VWCE: variants seen among roughly 807,000 people sequenced by gnomAD.
VWCE encodes the protein von Willebrand factor C and EGF domain-containing protein.
In VWCE, 68 loss-of-function variants were observed where a neutral mutation model predicts 102.9. The observed-to-expected ratio is 0.66, with a 90% CI of 0.54 to 0.81. VWCE has a LOEUF of 0.81. VWCE is among the 30% of genes least tolerant of loss of function. VWCE has a pLI of 0.00. For synonymous variants in VWCE, 497 were observed against 515.4 expected, an observed-to-expected ratio of 0.96 and a Z score of 0.48; for missense variants, 1,137 against 1,263.6, an observed-to-expected ratio of 0.90 and a Z score of 1.52.
At chr11:61,293,098 G>A (rs908959983) in intron 1 of VWCE, among the ~76,000 whole-genome samples, 7 of 151,960 alleles carry the variant, frequency 4.6e-5, no homozygotes, top group South Asian at 2.1e-4. Flanking sequence ...AAAATTAGCC[G>A]GGCATGGTGG....
chr11:61,282,641 G>A (rs1855178364), intron 6 of VWCE, 148 bp downstream of exon 6: 1 of 683,794 alleles, frequency 1.5e-6, no homozygotes, highest in South Asian at 1.8e-5. Flanking sequence ...CCCAGGGACA[G>A]GCAGGCTCTG....
chr11:61,265,989 T>C (rs568407956), intron 16 of VWCE, among the ~76,000 whole-genome samples: 1 of 151,926 alleles, frequency 6.6e-6, no homozygotes, highest in African/African-American at 2.4e-5. Flanking sequence ...GAGGTTGCAG[T>C]GAGCCAAGAT....
chr11:61,263,200 A>G (rs7947790), intron 19 of VWCE, among the ~76,000 whole-genome samples: 14,140 of 151,892 alleles, frequency 0.093, 2,035 homozygotes, highest in African/African-American at 0.31. Flanking sequence ...CCAGCTACTC[A>G]GGAGGCTGAG....
rs370421524 is a variant in VWCE at position 61,281,089 on chromosome 11, C to T, written c.934G>A (p.Gly312Arg). 1.3e-4 allele frequency: 209 copies of T among 1,608,726 alleles called. No homozygotes were observed. In the South Asian group the frequency reaches 1.9e-3, roughly 14 times the overall value. ...PPSGAPGPPA[G>R]VRTTRLPSPT... ...GATGGCAGGCGGGTGGTCCTGACTCCGGCTGGGGGCCCTGGAGCCCCAGAA... is the reference window on the plus strand; with the variant it reads ...GATGGCAGGCGGGTGGTCCTGACTCTGGCTGGGGGCCCTGGAGCCCCAGAA... The change falls in exon 8 of 20, where the codon GGA (glycine) becomes AGA (arginine). Residue 312 changes from glycine (G) to arginine (R), a missense_variant. By Grantham distance (125) the Gly-to-Arg change is moderately radical. Around this residue, in one of 5 missense-constraint regions of VWCE, gnomAD observed 575 missense variants for 625.9 expected, o/e 0.92. Coordinates refer to ENST00000335613, the MANE Select transcript of VWCE (RefSeq NM_152718.2).
rs117735457 is a variant in VWCE at position 61,279,067 on chromosome 11, A to C, written c.1325-591T>G. Among the ~76,000 whole-genome samples the C allele has an allele frequency of 5.7e-3, 873 of 151,928 alleles. 1 individual carries two copies. The highest frequency in any genetic ancestry group is 8.9e-3 in the Admixed American group (136 of 15,242). On this transcript the variant is annotated intron_variant, in intron 9 of 19. Coordinates refer to ENST00000335613, the MANE Select transcript of VWCE (RefSeq NM_152718.2). ...AAAAACAAAAAAACAAAAACAAAAA[A>C]AAAAACTGGCCATCCAGCTTCGTTA...
At chr11:61,259,568 T>C (rs1330179219) in intron 19 of VWCE, among the ~76,000 whole-genome samples, 1 of 152,076 alleles carries the variant, frequency 6.6e-6, no homozygotes, top group Non-Finnish European at 1.5e-5. Context: ...ATCTGTAAAA[T>C]GGGCACAGCA....
In VWCE at chr11:61,280,788, C is replaced by T; in HGVS notation, c.1230+5G>A. On this transcript the variant is annotated splice_donor_5th_base_variant and intron_variant, in intron 8 of 19. Coordinates refer to ENST00000335613, the MANE Select transcript of VWCE (RefSeq NM_152718.2). ...AAGGAAGCTCCGGGGACCCCTAGTA[C>T]CCACCTCGCACCAGCACTGGGAACA... 4 of 1,604,284 alleles carry T rather than the reference C, an allele frequency of 2.5e-6. No homozygotes were observed. Among genetic ancestry groups the T allele is most frequent in the Non-Finnish European group, 3.4e-6 (4 of 1,175,148 alleles).
At chr11:61,285,399 C>G (rs1405253315) in intron 5 of VWCE, among the ~76,000 whole-genome samples, 1 of 152,120 alleles carries the variant, frequency 6.6e-6, no homozygotes, top group Admixed American at 6.5e-5. Flanking sequence ...ATTGTAAGAT[C>G]TCTCATCCTG....
chr11:61,282,495 G>A lies in VWCE; in HGVS notation c.658+294C>T, dbSNP rs1027682074. 7.9e-5 allele frequency: 26 copies of A among 327,390 alleles called. No individual in the cohort carries two copies. In the Admixed American group the frequency reaches 1.0e-3, roughly 13 times the overall value. The allele number at this position is 327,390 out of a possible 1,614,324, so 20.3% of individuals were successfully genotyped here. A position where few individuals can be genotyped will look rare whatever the true frequency, so the allele number is the denominator to read the frequency against. On this transcript the variant is annotated intron_variant, in intron 6 of 19. Transcript: ENST00000335613. ...TTATTTACCAAGGGGAGCAAAGGCA[G>A]CCAAGAAAATGGGTGAGCAGAGAGG...
In VWCE at chr11:61,265,219, G is replaced by A; in HGVS notation, c.1966-7C>T. ...AACAGGCCACTGAGCCCAGCTGCAG[G>A]ACACAGAAAACACACAAGGCCCTCG... On this transcript the variant is annotated splice_region_variant and splice_polypyrimidine_tract_variant and intron_variant, in intron 16 of 19. Coordinates refer to ENST00000335613, the MANE Select transcript of VWCE (RefSeq NM_152718.2). 3 of 1,470,636 alleles carry A rather than the reference G, an allele frequency of 2.0e-6. No homozygotes were observed. Among genetic ancestry groups the A allele is most frequent in the Non-Finnish European group, 2.7e-6 (3 of 1,109,304 alleles). The allele number at this position is 1,470,636 out of a possible 1,614,324, so 91.1% of individuals were successfully genotyped here. A position where few individuals can be genotyped will look rare whatever the true frequency, so the allele number is the denominator to read the frequency against.
rs1227254520 is a variant in VWCE at position 61,278,318 on chromosome 11, G to A, written c.1407+76C>T. 9 of 1,501,592 alleles carry A rather than the reference G, an allele frequency of 6.0e-6. No individual in the cohort carries two copies. In the East Asian group the frequency reaches 2.0e-4, roughly 34 times the overall value. 93.0% of individuals were successfully genotyped at this position (1,501,592 alleles called of 1,614,324 possible). A position where few individuals can be genotyped will look rare whatever the true frequency, so the allele number is the denominator to read the frequency against. On this transcript the variant is annotated intron_variant, in intron 10 of 19. Transcript: ENST00000335613. ...TCAACAAGCTCACCTTTAACATCCG[G>A]TCTTTTCCCCTTCCTCTAAAACCCC...
rs534891180 is a variant in VWCE at position 61,272,401 on chromosome 11, A to G, written c.1700-641T>C. The stretch of plus-strand genomic sequence containing the variant: ...TGCACATACACACATACAGACATGC[A>G]TGCTCACACAGGCACACACAAAAAC... On this transcript the variant is annotated intron_variant, in intron 13 of 19. Transcript: ENST00000335613. 9.2e-5 allele frequency among the ~76,000 whole-genome samples: 14 copies of G among 152,244 alleles called. No individual in the cohort carries two copies. The East Asian group carries it at 2.7e-3, about 29-fold the overall frequency.
At chr11:61,292,599 T>TAGGG (rs1472663702) in intron 1 of VWCE, among the ~76,000 whole-genome samples, 1 of 151,884 alleles carries the variant, frequency 6.6e-6, no homozygotes, top group Non-Finnish European at 1.5e-5. Flanking sequence ...CTGGAGGCAG[T>TAGGG]AGGGGTCTGT....
At chr11:61,267,688 G>A (rs1854555196) in intron 15 of VWCE, 144 bp from the exon 16 acceptor site, 1 of 683,066 alleles carries the variant, frequency 1.5e-6, no homozygotes, top group South Asian at 1.8e-5. Flanking sequence ...GTTAGGGAAG[G>A]GACAAAACGC....
At chr11:61,274,132 T>G (rs1854829811) in intron 12 of VWCE, among the ~76,000 whole-genome samples, 1 of 152,098 alleles carries the variant, frequency 6.6e-6, no homozygotes, top group East Asian at 1.9e-4. Flanking sequence ...CCCCACCTGA[T>G]GAGTCCCTAC....
intron 1 of VWCE, among the ~76,000 whole-genome samples, chr11:61,292,083 C>T (rs182544537): frequency 1.3e-5 from 2 of 152,278 alleles, no homozygotes; most frequent in Admixed American, 1.3e-4. Context: ...ACTAGCTGGG[C>T]ATGGTGACAC....
intron 11 of VWCE, among the ~76,000 whole-genome samples, chr11:61,276,181 G>A (rs1565223259): frequency 6.6e-6 from 1 of 151,956 alleles, no homozygotes; most frequent in African/African-American, 2.4e-5. Flanking sequence ...GCCAAGGCAG[G>A]TGGATCACCT....
rs566961805 is a variant in VWCE, at chr11:61,260,123, C to T, written c.2231-811G>A. On this transcript the variant is annotated intron_variant, in intron 19 of 19. Transcript: ENST00000335613. ...TACAAAACTTAACCGGACGTGGTGG[C>T]GCGTGCCTGTAGTCCCAGCTACTCG... 4.7e-4 allele frequency among the ~76,000 whole-genome samples: 71 copies of T among 152,288 alleles called. No homozygotes were observed. The East Asian group carries it at 0.01, about 22-fold the overall frequency.
chr11:61,275,366 G>A (rs142102541), intron 11 of VWCE, among the ~76,000 whole-genome samples: 1 of 152,182 alleles, frequency 6.6e-6, no homozygotes, highest in East Asian at 1.9e-4. Flanking sequence ...CAACTCACCA[G>A]GGAATGACTT....
Sources: allele counts gnomAD v4.1 joint callset (sites outside exome capture counted in the v4.1 genomes callset), GRCh38; gene constraint gnomAD v4.1.1; regional missense constraint gnomAD v4.1.1; transcripts MANE v1.5; gene names NCBI Gene and HGNC (gene_info 2026-07-23, HGNC 2026-07-21).